The following NCOA2 variants were observed in gnomAD, a reference collection of about 807,000 sequenced individuals.
NCOA2 encodes the protein nuclear receptor coactivator 2.
A neutral mutation model predicts 145.1 loss-of-function variants in NCOA2; 21 were observed. That is an observed-to-expected ratio of 0.14 (90% CI 0.10 to 0.21). NCOA2 has a LOEUF of 0.21. Among genes scored for constraint, NCOA2 ranks in the 10% least tolerant of loss-of-function variants. The pLI is 1.00. For missense variants in NCOA2, 1,472 were observed against 1,837.6 expected, an observed-to-expected ratio of 0.80 and a Z score of 3.64; for synonymous variants, 619 against 637.5, an observed-to-expected ratio of 0.97 and a Z score of 0.44.
chr8:70,282,449 G>A (rs1280453691), intron 2 of NCOA2, among the ~76,000 whole-genome samples: 1 of 152,146 alleles, frequency 6.6e-6, no homozygotes, highest in African/African-American at 2.4e-5. Flanking sequence ...ACTTTGGGAG[G>A]CCGAGACAGG....
intron 1 of NCOA2, among the ~76,000 whole-genome samples, chr8:70,312,145 GA>G (rs1805178491): frequency 6.6e-6 from 1 of 152,188 alleles, no homozygotes. Context: ...TCACGCAAGA[GA>G]TTTCCAGAAA....
intron 4 of NCOA2, among the ~76,000 whole-genome samples, chr8:70,182,860 A>C (rs762068873): frequency 1.3e-5 from 2 of 152,246 alleles, no homozygotes; most frequent in African/African-American, 2.4e-5. Context: ...ACTTAGGCAC[A>C]CAATAAACAA....
chr8:70,203,117 G>A (rs945433141), intron 4 of NCOA2, among the ~76,000 whole-genome samples: 2 of 152,078 alleles, frequency 1.3e-5, no homozygotes, highest in African/African-American at 2.4e-5. Context: ...ATAAAAATTA[G>A]CTGGGCATGA....
chr8:70,308,477 A>G (rs1161686793), intron 1 of NCOA2, among the ~76,000 whole-genome samples: 2 of 152,064 alleles, frequency 1.3e-5, no homozygotes, highest in South Asian at 2.1e-4. Flanking sequence ...ACATACACAT[A>G]TATGTGTGTG....
At chr8:70,210,556 G>A (rs116573709) in intron 4 of NCOA2, among the ~76,000 whole-genome samples, 197 of 152,256 alleles carry the variant, frequency 1.3e-3, no homozygotes, top group African/African-American at 4.5e-3. Flanking sequence ...AAAGCGCTAC[G>A]TACAACAGAA....
At chr8:70,162,295 G>T (rs1280548549) in intron 9 of NCOA2, among the ~76,000 whole-genome samples, 1 of 152,162 alleles carries the variant, frequency 6.6e-6, no homozygotes, top group Non-Finnish European at 1.5e-5. Flanking sequence ...GTCTTTGTTG[G>T]TTACCACCTT....
chr8:70,416,821 C>A, the NCOA2 span, among the ~76,000 whole-genome samples: 15 of 152,140 alleles, frequency 9.9e-5, 1 homozygote, highest in African/African-American at 2.7e-4. Flanking sequence ...GCGGTAATAG[C>A]CTAATCACTT....
At chr8:70,215,251 C>T (rs550992308) in intron 3 of NCOA2, among the ~76,000 whole-genome samples, 50 of 152,214 alleles carry the variant, frequency 3.3e-4, no homozygotes, top group Non-Finnish European at 6.0e-4. Flanking sequence ...CCCTCTCACC[C>T]TCTCACAAGG....
chr8:70,200,617 T>C (rs561189489), intron 4 of NCOA2, among the ~76,000 whole-genome samples: 3 of 152,254 alleles, frequency 2.0e-5, no homozygotes, highest in Non-Finnish European at 2.9e-5. Flanking sequence ...CAATAATTGC[T>C]ACAACATGGA....
the NCOA2 span, among the ~76,000 whole-genome samples, chr8:70,435,447 A>AAG: frequency 6.8e-6 from 1 of 147,738 alleles, no homozygotes; most frequent in African/African-American, 2.5e-5. Flanking sequence ...AAAAAAAAAA[A>AAG]AAAAAAGAAT....
chr8:70,370,069 A>T (rs1191462478), intron 1 of NCOA2, among the ~76,000 whole-genome samples: 2 of 151,848 alleles, frequency 1.3e-5, no homozygotes, highest in Non-Finnish European at 2.9e-5. Context: ...ATTTTTTTGT[A>T]TGGGCAAGGT....
chr8:70,159,692 A>G (rs1018118855), intron 9 of NCOA2, 40 bp from the exon 10 acceptor site: 2 of 1,579,328 alleles, frequency 1.3e-6, no homozygotes, highest in African/African-American at 2.7e-5. Context: ...GTTTAGAAAA[A>G]AAAATTGAGG....
chr8:70,170,462 A>C (rs1814122804), intron 5 of NCOA2, 83 bp from the exon 6 acceptor site: 1 of 1,179,274 alleles, frequency 8.5e-7, no homozygotes. Context: ...GATCCCTTTC[A>C]AGGAAACACA....
Position 70,393,222 on chromosome 8 carries a change from T to C in NCOA2, c.-77+10478A>G, listed in dbSNP as rs375662222. ...TTCTGTCCTAAGAAGGGGAAAACAA[T>C]CCCCCAAATGCTCAGTCTGGTAACA... On this transcript the variant is annotated intron_variant, in intron 1 of 22. Coordinates refer to ENST00000452400, the MANE Select transcript of NCOA2 (RefSeq NM_006540.4). 2.4e-4 allele frequency among the ~76,000 whole-genome samples: 37 copies of C among 151,934 alleles called. No individual in the cohort carries two copies. In the South Asian group the frequency reaches 7.1e-3, roughly 29 times the overall value.
intron 1 of NCOA2, among the ~76,000 whole-genome samples, chr8:70,316,172 A>G (rs779310119): frequency 1.3e-5 from 2 of 152,232 alleles, no homozygotes; most frequent in Non-Finnish European, 2.9e-5. Flanking sequence ...ATCTGCTCTC[A>G]GTAAATAAAC....
chr8:70,125,435 T>A (rs938568520), intron 19 of NCOA2, among the ~76,000 whole-genome samples: 8 of 152,076 alleles, frequency 5.3e-5, no homozygotes, highest in South Asian at 2.1e-4. Context: ...CTAATTTTTT[T>A]AATTTTTAGT....
intron 19 of NCOA2, among the ~76,000 whole-genome samples, chr8:70,125,631 T>C (rs1484146705): frequency 6.6e-6 from 1 of 152,218 alleles, no homozygotes; most frequent in Non-Finnish European, 1.5e-5. Context: ...AATAAATTTA[T>C]ATTAAATTAG....
At chr8:70,193,153 G>A (rs1217881043) in intron 4 of NCOA2, among the ~76,000 whole-genome samples, 1 of 149,200 alleles carries the variant, frequency 6.7e-6, no homozygotes, top group Non-Finnish European at 1.5e-5. Context: ...GTTACAGTAA[G>A]TTCAGTAATG....
chr8:70,315,655 A>C (rs1805526161), intron 1 of NCOA2, among the ~76,000 whole-genome samples: 1 of 152,232 alleles, frequency 6.6e-6, no homozygotes, highest in Non-Finnish European at 1.5e-5. Flanking sequence ...AAAGGAAAAG[A>C]AAGCCATGAG....
Sources: gnomAD v4.1 joint callset for allele counts (sites outside exome capture counted in the v4.1 genomes callset) on GRCh38, gnomAD v4.1.1 for gene constraint, MANE v1.5 for transcripts, NCBI Gene and HGNC (gene_info 2026-07-23, HGNC 2026-07-21) for gene names.